Variants in TBC1D14 observed in about 807,000 individuals in gnomAD.
TBC1D14 encodes TBC1 domain family member 14, also known as TBC1 domain family, member 14.
A neutral mutation model predicts 79.0 loss-of-function variants in TBC1D14; 26 were observed. The ratio of observed to expected loss-of-function variants is 0.33; its 90% CI spans 0.24 to 0.46. The LOEUF (loss-of-function observed/expected upper bound fraction) is 0.46, where lower values mean the gene tolerates loss of function less well. TBC1D14 is among the 20% of genes least tolerant of loss of function. TBC1D14 has a pLI of 1.00. For missense variants in TBC1D14, 769 were observed against 887.6 expected, an observed-to-expected ratio of 0.87 and a Z score of 1.70; for synonymous variants, 394 against 349.9, an observed-to-expected ratio of 1.13 and a Z score of -1.40.
At chr4:6,949,516 C>T (rs1250370060) in intron 2 of TBC1D14, among the ~76,000 whole-genome samples, 1 of 152,104 alleles carries the variant, frequency 6.6e-6, no homozygotes, top group Admixed American at 6.6e-5. Flanking sequence ...AACTCCATCT[C>T]TATTAAAAAT....
intron 2 of TBC1D14, among the ~76,000 whole-genome samples, chr4:6,926,063 CCAGT>C (rs1724270857): frequency 1.3e-5 from 2 of 152,308 alleles, no homozygotes; most frequent in South Asian, 4.1e-4. Flanking sequence ...CCTTCACCTC[CCAGT>C]CAGTTTTCTC....
intron 2 of TBC1D14, among the ~76,000 whole-genome samples, chr4:6,933,973 C>T (rs145606576): frequency 2.0e-5 from 3 of 152,264 alleles, no homozygotes; most frequent in South Asian, 2.1e-4. Flanking sequence ...AAAGATGACT[C>T]TGAGACTTTC....
intron 2 of TBC1D14, among the ~76,000 whole-genome samples, chr4:6,963,400 TCC>T (rs1170500225): frequency 6.6e-6 from 1 of 152,220 alleles, no homozygotes; most frequent in African/African-American, 2.4e-5. Context: ...CAGTGTGGTC[TCC>T]CTGTCGGGCA....
At chr4:6,917,118 G>A (rs1723468438) in intron 1 of TBC1D14, among the ~76,000 whole-genome samples, 4 of 152,272 alleles carry the variant, frequency 2.6e-5, no homozygotes, top group South Asian at 4.1e-4. Flanking sequence ...TTTCTTCCTC[G>A]TAGTCTCACC....
At chr4:6,930,260 G>A (rs1711602631) in intron 2 of TBC1D14, among the ~76,000 whole-genome samples, 1 of 152,216 alleles carries the variant, frequency 6.6e-6, no homozygotes, top group African/African-American at 2.4e-5. Flanking sequence ...CCAGCAGGAT[G>A]AGAATGCCTT....
intron 3 of TBC1D14, among the ~76,000 whole-genome samples, chr4:6,975,617 G>T (rs73088554): frequency 6.6e-6 from 1 of 152,216 alleles, no homozygotes; most frequent in Admixed American, 6.5e-5. Context: ...AACAAGTAAG[G>T]GTGCACACTT....
intron 2 of TBC1D14, among the ~76,000 whole-genome samples, chr4:6,954,713 G>C (rs1030300818): frequency 3.9e-5 from 6 of 152,240 alleles, no homozygotes; most frequent in Admixed American, 3.9e-4. Flanking sequence ...CGATTCTCCT[G>C]CCTCAGCCTC....
chr4:7,030,170 C>T (rs939334910), intron 13 of TBC1D14, among the ~76,000 whole-genome samples, 157 bp from the exon 14 acceptor site: 7 of 152,144 alleles, frequency 4.6e-5, no homozygotes, highest in Non-Finnish European at 2.9e-5. Context: ...GGAAAGACCA[C>T]GAAGGACGTA....
intron 3 of TBC1D14, among the ~76,000 whole-genome samples, chr4:6,976,500 C>T (rs1716722393): frequency 6.6e-6 from 1 of 152,116 alleles, no homozygotes; most frequent in African/African-American, 2.4e-5. Context: ...CCGTGGAGGC[C>T]AGAAAAAGTA....
Position 7,001,218 on chromosome 4 carries a change from T to G in TBC1D14, c.1237T>G (p.Leu413Val). 4 of 1,614,162 alleles carry G rather than the reference T, an allele frequency of 2.5e-6. No individual in the cohort carries two copies. Among genetic ancestry groups the G allele is most frequent in the Non-Finnish European group, 3.4e-6 (4 of 1,180,030 alleles). The change falls in exon 7 of 14, where the codon TTA becomes GTA. Residue 413 changes from leucine to valine, a missense_variant. Physicochemically the swap from Leu to Val is conservative, Grantham distance 32. This residue lies in a region of TBC1D14 where 367 missense variants were observed against 494.4 expected (regional missense o/e 0.74). Coordinates refer to ENST00000409757, the MANE Select transcript of TBC1D14 (RefSeq NM_020773.3). The stretch of plus-strand genomic sequence containing the variant: ...AAGTGTGAGAGGCAAAGTCTGGAGC[T>G]TAGCCATTGGCAACGAGTTAAATAT... ...PPSVRGKVWS[L>V]AIGNELNITH... is the part of the protein sequence containing the mutation.
At chr4:7,020,257 C>T (rs550086583) in intron 12 of TBC1D14, among the ~76,000 whole-genome samples, 71 of 152,310 alleles carry the variant, frequency 4.7e-4, no homozygotes, top group Non-Finnish European at 8.7e-4. Flanking sequence ...TCAAGGTGAG[C>T]GCAGTTTATG....
chr4:7,027,183 C>T (rs1463418252), intron 13 of TBC1D14, among the ~76,000 whole-genome samples: 2 of 151,936 alleles, frequency 1.3e-5, no homozygotes, highest in East Asian at 3.9e-4. Flanking sequence ...TGCACTCCAG[C>T]CTGGGCAATA....
At chr4:6,965,854 C>T (rs1297740428) in intron 2 of TBC1D14, among the ~76,000 whole-genome samples, 3 of 152,126 alleles carry the variant, frequency 2.0e-5, no homozygotes, top group African/African-American at 4.8e-5. Context: ...GAGGTGTGTC[C>T]CTCAGGTTTC....
In TBC1D14 at chr4:6,967,327, G is replaced by C; in HGVS notation, c.746G>C (p.Ser249Thr). Residue 249 changes from serine (S) to threonine (T), a missense_variant, in exon 3 of 14, where the codon AGT becomes ACT. Physicochemically the swap from Ser to Thr is moderately conservative, Grantham distance 58. This residue lies in a region of TBC1D14 where 402 missense variants were observed against 393.2 expected (regional missense o/e 1.02). Transcript: ENST00000409757. ...FARNLLARKQSARLDKHNDLG... is the reference protein window; with the variant it reads ...FARNLLARKQTARLDKHNDLG... Reference sequence around the variant, plus strand: ...AGGAACTTGCTTGCTAGAAAACAAAGTGCAAGGCTTGACAAACACAATGAC... The same window carrying C: ...AGGAACTTGCTTGCTAGAAAACAAACTGCAAGGCTTGACAAACACAATGAC... 1 of 1,614,002 alleles carries C rather than the reference G, an allele frequency of 6.2e-7. No individual in the cohort carries two copies.
chr4:6,999,650 G>A (rs901006119), intron 6 of TBC1D14, among the ~76,000 whole-genome samples: 1 of 152,038 alleles, frequency 6.6e-6, no homozygotes, highest in Non-Finnish European at 1.5e-5. Flanking sequence ...CTGGGGCCTC[G>A]CATGTTCCAG....
intron 2 of TBC1D14, among the ~76,000 whole-genome samples, chr4:6,925,296 T>C (rs541435965): frequency 2.6e-5 from 4 of 152,228 alleles, no homozygotes; most frequent in Admixed American, 6.5e-5. Flanking sequence ...AAAAGAATCG[T>C]GATCTGCTCC....
intron 12 of TBC1D14, among the ~76,000 whole-genome samples, chr4:7,024,144 A>G (rs1722102542): frequency 6.6e-6 from 1 of 152,194 alleles, no homozygotes; most frequent in Non-Finnish European, 1.5e-5. Flanking sequence ...ACTTGTGAGC[A>G]GGTTGACCAG....
intron 3 of TBC1D14, chr4:6,987,262 C>G: frequency 7.8e-7 from 1 of 1,276,628 alleles, no homozygotes; most frequent in South Asian, 2.6e-5. Context: ...CGCCCGCCCG[C>G]GGTCCGGGAG....
chr4:6,996,108 T>C (rs904012369), intron 4 of TBC1D14, among the ~76,000 whole-genome samples: 2 of 152,254 alleles, frequency 1.3e-5, no homozygotes, highest in Non-Finnish European at 2.9e-5. Context: ...AGTGCTGGGA[T>C]TGCAGGCGTG....
Sources: allele counts gnomAD v4.1 joint callset (sites outside exome capture counted in the v4.1 genomes callset), GRCh38; gene constraint gnomAD v4.1.1; regional missense constraint gnomAD v4.1.1; transcripts MANE v1.5; gene names NCBI Gene and HGNC (gene_info 2026-07-23, HGNC 2026-07-21).